Variants in BTBD9 observed in about 807,000 individuals in gnomAD.
BTBD9 encodes the protein BTB/POZ domain-containing protein 9.
BTBD9 carries 49 observed loss-of-function variants against 64.3 expected under a neutral mutation model. That is an observed-to-expected ratio of 0.76 (90% CI 0.61 to 0.97). BTBD9 has a LOEUF of 0.97. Ranked by LOEUF, BTBD9 falls within the 50% of genes least tolerant of loss-of-function variation. The pLI, the probability that BTBD9 is intolerant of heterozygous loss-of-function variation, is 0.00. For missense variants in BTBD9, 598 were observed against 762.1 expected, an observed-to-expected ratio of 0.78 and a Z score of 2.53; for synonymous variants, 260 against 274.7, an observed-to-expected ratio of 0.95 and a Z score of 0.53.
chr6:38,468,973 T>C (rs1391675163), intron 6 of BTBD9, among the ~76,000 whole-genome samples: 3 of 152,250 alleles, frequency 2.0e-5, no homozygotes, highest in African/African-American at 7.2e-5. Flanking sequence ...CTCAGAGGAT[T>C]ATTAAAACAT....
intron 9 of BTBD9, among the ~76,000 whole-genome samples, chr6:38,217,179 C>T (rs1246459347): frequency 6.6e-6 from 1 of 151,044 alleles, no homozygotes; most frequent in Non-Finnish European, 1.5e-5. Context: ...ATTAGCCAGG[C>T]CTGGTGGCGG....
rs111378029 is a variant in BTBD9, at chr6:38,368,134, C to T, written c.1155-23041G>A. Among the ~76,000 whole-genome samples, 1,114 of 152,216 alleles carry T rather than the reference C, an allele frequency of 7.3e-3. 13 individuals are homozygous for T. The highest frequency in any genetic ancestry group is 6.9e-3 in the Non-Finnish European group (468 of 68,008). ...CTTTATTATTACTGCCTTAAGGAAG[C>T]TTTTAAGACATTTTTAATCACTCCC... On this transcript the variant is annotated intron_variant, in intron 6 of 10. Coordinates refer to ENST00000481247, the MANE Select transcript of BTBD9 (RefSeq NM_001099272.2).
intron 8 of BTBD9, among the ~76,000 whole-genome samples, chr6:38,262,937 G>C (rs1177832216): frequency 6.6e-6 from 1 of 152,290 alleles, no homozygotes; most frequent in Non-Finnish European, 1.5e-5. Context: ...AGAAGCAAGG[G>C]CCTGTTTTGC....
At chr6:38,513,453 A>C (rs951127283) in intron 6 of BTBD9, among the ~76,000 whole-genome samples, 13 of 152,020 alleles carry the variant, frequency 8.6e-5, no homozygotes, top group Non-Finnish European at 4.4e-5. Flanking sequence ...GTCTCAAAAA[A>C]AAAAAAGAAA....
intron 6 of BTBD9, among the ~76,000 whole-genome samples, chr6:38,563,879 C>T (rs1215115757): frequency 2.0e-5 from 3 of 149,942 alleles, no homozygotes; most frequent in Non-Finnish European, 4.4e-5. Context: ...CCTCCCGGTT[C>T]CATGCCATTA....
At chr6:38,367,997 G>A (rs962148413) in intron 6 of BTBD9, among the ~76,000 whole-genome samples, 5 of 152,008 alleles carry the variant, frequency 3.3e-5, no homozygotes, top group Non-Finnish European at 4.4e-5. Flanking sequence ...CAATAGTGCC[G>A]TCAGCAATAA....
intron 10 of BTBD9, chr6:38,179,428 G>C: frequency 2.2e-6 from 1 of 456,696 alleles, no homozygotes; most frequent in Middle Eastern, 3.3e-4. Context: ...ACGGGGGCGG[G>C]CATACTGCGG....
At chr6:38,495,446 G>T (rs555450093) in intron 6 of BTBD9, among the ~76,000 whole-genome samples, 2 of 152,182 alleles carry the variant, frequency 1.3e-5, no homozygotes, top group Non-Finnish European at 2.9e-5. Context: ...AGTCACATGG[G>T]TGAATCAATA....
chr6:38,542,971 G>A (rs923852077), intron 6 of BTBD9, among the ~76,000 whole-genome samples: 12 of 152,174 alleles, frequency 7.9e-5, no homozygotes, highest in South Asian at 4.1e-4. Flanking sequence ...TCACTTCCCC[G>A]ATTAAACCTT....
chr6:38,613,134 T>G (rs1369414215), intron 1 of BTBD9: 1 of 152,264 alleles, frequency 6.6e-6, no homozygotes, highest in African/African-American at 2.4e-5. Context: ...TTAGATATAT[T>G]AGTCTTCATA....
intron 6 of BTBD9, among the ~76,000 whole-genome samples, chr6:38,554,387 ATG>A (rs894060876): frequency 4.6e-5 from 7 of 152,334 alleles, no homozygotes; most frequent in African/African-American, 1.4e-4. Context: ...AGAAAAATAA[ATG>A]GAAGTGCCAG....
At chr6:38,205,644 G>T (rs192530161) in intron 9 of BTBD9, among the ~76,000 whole-genome samples, 12 of 151,972 alleles carry the variant, frequency 7.9e-5, no homozygotes, top group Admixed American at 3.3e-4. Context: ...TTAAGATAAA[G>T]AAAGTTATGG....
At chr6:38,185,839 C>T (rs529218483) in intron 10 of BTBD9, among the ~76,000 whole-genome samples, 3 of 152,182 alleles carry the variant, frequency 2.0e-5, no homozygotes, top group East Asian at 1.9e-4. Flanking sequence ...TTTGGTGTCT[C>T]GCTTCTGTCC....
At chr6:38,300,347 T>C (rs1762341921) in intron 7 of BTBD9, among the ~76,000 whole-genome samples, 1 of 152,228 alleles carries the variant, frequency 6.6e-6, no homozygotes, top group African/African-American at 2.4e-5. Flanking sequence ...GCGGGCTTTT[T>C]TTTGGTTCCA....
At chr6:38,334,622 TAACA>T (rs1763816116) in intron 7 of BTBD9, among the ~76,000 whole-genome samples, 1 of 137,930 alleles carries the variant, frequency 7.3e-6, no homozygotes, top group African/African-American at 3.3e-5. Flanking sequence ...TAACATAACA[TAACA>T]TAAAATAAAT....
intron 3 of BTBD9, among the ~76,000 whole-genome samples, chr6:38,593,328 T>C (rs953965985): frequency 5.3e-5 from 8 of 152,120 alleles, no homozygotes; most frequent in African/African-American, 1.9e-4. Flanking sequence ...AAAAATTAAG[T>C]AGAAAAAAAT....
chr6:38,594,576 G>A (rs1043685167), intron 2 of BTBD9, among the ~76,000 whole-genome samples: 1 of 152,132 alleles, frequency 6.6e-6, no homozygotes, highest in East Asian at 1.9e-4. Flanking sequence ...CAAGATATGT[G>A]ACAGATATTA....
intron 5 of BTBD9, 33 bp downstream of exon 5, chr6:38,580,157 GACCACAAAGCTAAGTCATCTCAAACATA>G: frequency 1.3e-6 from 2 of 1,485,602 alleles, no homozygotes; most frequent in South Asian, 2.4e-5. Context: ...AAAAGTAGAT[GACCACAAAGCTAAGTCATCTCAAACATA>G]ATGTCAGTTT....
intron 7 of BTBD9, among the ~76,000 whole-genome samples, chr6:38,295,351 A>G (rs748154319): frequency 2.6e-4 from 40 of 151,990 alleles, no homozygotes; most frequent in Non-Finnish European, 5.0e-4. Flanking sequence ...TTTTTTATAG[A>G]GACGAGGTCC....
Sources: gnomAD v4.1 joint callset for allele counts (sites outside exome capture counted in the v4.1 genomes callset) on GRCh38, gnomAD v4.1.1 for gene constraint, MANE v1.5 for transcripts, NCBI Gene and HGNC (gene_info 2026-07-23, HGNC 2026-07-21) for gene names.